CADPS: variants seen among roughly 807,000 people sequenced by gnomAD.
CADPS encodes calcium dependent secretion activator.
In CADPS, 57 loss-of-function variants were observed where a neutral mutation model predicts 167.3. That is an observed-to-expected ratio of 0.34 (90% CI 0.28 to 0.42). CADPS has a LOEUF of 0.42. Among genes scored for constraint, CADPS ranks in the 20% least tolerant of loss-of-function variants. The probability of loss-of-function intolerance (pLI) is 1.00; values close to 1 mark genes in which losing one functional copy is unlikely to be tolerated. For missense variants in CADPS, 1,414 were observed against 1,738.1 expected (o/e 0.81, Z 3.32); for synonymous variants, 676 against 635.3 (o/e 1.06, Z -0.96).
In CADPS at chr3:62,475,593, A is replaced by C. The variant is rs556228082; in HGVS notation, c.3330-1273T>G. ...GGAGCCCAGTTCTTAAGAAAAAAAA[A>C]AAAAAAAAAAAAAAAAAAACACCTA... On this transcript the variant is annotated intron_variant, in intron 23 of 29. Coordinates refer to ENST00000383710, the MANE Select transcript of CADPS (RefSeq NM_003716.4). 1.4e-4 allele frequency among the ~76,000 whole-genome samples: 20 copies of C among 142,724 alleles called. No homozygotes were observed. The East Asian group carries it at 3.9e-3, about 28-fold the overall frequency. 93.6% of individuals were successfully genotyped at this position (142,724 alleles called of 152,430 possible).
chr3:62,471,166 G>A (rs2060557852), intron 24 of CADPS, among the ~76,000 whole-genome samples: 1 of 152,086 alleles, frequency 6.6e-6, no homozygotes, highest in South Asian at 2.1e-4. Context: ...TGGCAGCTAA[G>A]GTATGGAGTC....
chr3:62,524,679 C>T (rs567880813), intron 13 of CADPS, among the ~76,000 whole-genome samples: 4 of 152,114 alleles, frequency 2.6e-5, no homozygotes, highest in African/African-American at 7.2e-5. Flanking sequence ...GGATGAAAGT[C>T]GTGGAGAAGT....
chr3:62,671,281 T>G (rs1419757111), intron 3 of CADPS, among the ~76,000 whole-genome samples: 2 of 150,808 alleles, frequency 1.3e-5, no homozygotes, highest in Non-Finnish European at 3.0e-5. Context: ...ACAGCTGTGT[T>G]TTTTTTTTAA....
chr3:62,482,730 A>C (rs2062189727), intron 21 of CADPS, among the ~76,000 whole-genome samples: 1 of 152,214 alleles, frequency 6.6e-6, no homozygotes, highest in South Asian at 2.1e-4. Context: ...AAAGCATGAA[A>C]GGGACTTCTG....
At chr3:62,667,105 C>T (rs1322454862) in intron 3 of CADPS, among the ~76,000 whole-genome samples, 1 of 147,464 alleles carries the variant, frequency 6.8e-6, no homozygotes, top group Admixed American at 7.0e-5. Flanking sequence ...CTTTCTGAAC[C>T]TCAGTTTCCT....
rs1326939596 is a variant in CADPS, at chr3:62,850,720, T to G, written c.441+23869A>C. On this transcript the variant is annotated intron_variant, in intron 1 of 29. Coordinates refer to ENST00000383710, the MANE Select transcript of CADPS (RefSeq NM_003716.4). ...TATGTGGTCAATTTTGGAATAGGTG[T>G]GGTGTGGTGCTGAAAAAAATGTATA... Among the ~76,000 whole-genome samples, 30 of 151,888 alleles carry G rather than the reference T, an allele frequency of 2.0e-4. No individual in the cohort carries two copies. In the East Asian group the frequency reaches 4.3e-3, roughly 22 times the overall value.
intron 13 of CADPS, among the ~76,000 whole-genome samples, chr3:62,531,594 G>C (rs1289954515): frequency 2.6e-5 from 4 of 152,200 alleles, no homozygotes; most frequent in Non-Finnish European, 5.9e-5. Context: ...ACACAGTTCT[G>C]ATTTAAAATA....
At chr3:62,437,603 C>T (rs2055399099) in intron 28 of CADPS, among the ~76,000 whole-genome samples, 1 of 151,980 alleles carries the variant, frequency 6.6e-6, no homozygotes, top group Admixed American at 6.6e-5. Flanking sequence ...TGCCAAAACC[C>T]AGGGTAAGGA....
At chr3:62,406,079 C>T (rs759808644) in intron 28 of CADPS, among the ~76,000 whole-genome samples, 4 of 152,202 alleles carry the variant, frequency 2.6e-5, no homozygotes, top group African/African-American at 7.2e-5. Flanking sequence ...ATTGAAAGAG[C>T]GGACTGTCTT....
At chr3:62,872,376 G>GA (rs1246654951) in intron 1 of CADPS, among the ~76,000 whole-genome samples, 1 of 152,110 alleles carries the variant, frequency 6.6e-6, no homozygotes, top group Admixed American at 6.5e-5. Flanking sequence ...ATATAGCAGT[G>GA]AAAAAGCTTC....
chr3:62,483,536 C>T (rs1159988837), intron 21 of CADPS, among the ~76,000 whole-genome samples: 2 of 152,154 alleles, frequency 1.3e-5, no homozygotes, highest in African/African-American at 2.4e-5. Context: ...GTCTACCTGG[C>T]ATTCTCTTCT....
At chr3:62,764,567 A>C (rs1260042277) in intron 2 of CADPS, among the ~76,000 whole-genome samples, 1 of 152,242 alleles carries the variant, frequency 6.6e-6, no homozygotes, top group African/African-American at 2.4e-5. Context: ...CAAACCAATC[A>C]ATAATATTTT....
chr3:62,739,870 T>C (rs989483112), intron 3 of CADPS, among the ~76,000 whole-genome samples: 1 of 152,110 alleles, frequency 6.6e-6, no homozygotes, highest in African/African-American at 2.4e-5. Flanking sequence ...TAAAGAGAGG[T>C]TGGTAGTTAA....
intron 3 of CADPS, among the ~76,000 whole-genome samples, chr3:62,689,381 T>G (rs997188915): frequency 6.6e-6 from 1 of 152,050 alleles, no homozygotes; most frequent in Non-Finnish European, 1.5e-5. Flanking sequence ...CAAGAGATAA[T>G]GCCAAGAGAA....
chr3:62,800,208 C>T (rs575552590), intron 1 of CADPS, among the ~76,000 whole-genome samples: 2 of 152,084 alleles, frequency 1.3e-5, no homozygotes, highest in African/African-American at 2.4e-5. Context: ...ACAGGAGTTT[C>T]GTGTCATCTG....
rs1482370857 is a variant in CADPS at position 62,455,185 on chromosome 3, C to A, written c.3637-9388G>T. 7.2e-6 allele frequency among the ~76,000 whole-genome samples: 1 copy of A among 138,688 alleles called. No individual in the cohort carries two copies. The highest frequency in any genetic ancestry group is 2.7e-5 in the African/African-American group (1 of 37,348). The allele number at this position is 138,688 out of a possible 152,430, so 91.0% of individuals were successfully genotyped here. On this transcript the variant is annotated intron_variant, in intron 26 of 29. Coordinates refer to ENST00000383710, the MANE Select transcript of CADPS (RefSeq NM_003716.4). The surrounding 1 kb of genome is among the most constrained non-coding windows in gnomAD (Gnocchi z 4.4). ...GCCTGATTGAAGTAGACCTGTTTTT[C>A]CTTCCAGTTTTCCTTTTCCTCATTT...
intron 6 of CADPS, among the ~76,000 whole-genome samples, chr3:62,614,139 C>A (rs1300352902): frequency 6.6e-6 from 1 of 152,152 alleles, no homozygotes; most frequent in Non-Finnish European, 1.5e-5. Flanking sequence ...TTATTGAGCA[C>A]TTACTATGGG....
At chr3:62,620,930 A>G (rs1423456871) in intron 6 of CADPS, among the ~76,000 whole-genome samples, 1 of 152,142 alleles carries the variant, frequency 6.6e-6, no homozygotes, top group African/African-American at 2.4e-5. Flanking sequence ...GATTAAAAGG[A>G]GCACTGGACT....
chr3:62,777,628 C>G (rs772441962), intron 1 of CADPS, among the ~76,000 whole-genome samples: 204 of 152,226 alleles, frequency 1.3e-3, no homozygotes, highest in Non-Finnish European at 2.2e-3. Flanking sequence ...ATGGGGGAAA[C>G]TGTTGGAGGT....
Sources: allele counts gnomAD v4.1 joint callset (sites outside exome capture counted in the v4.1 genomes callset), GRCh38; gene constraint gnomAD v4.1.1; non-coding constraint Gnocchi (gnomAD v3.1); transcripts MANE v1.5; gene names NCBI Gene and HGNC (gene_info 2026-07-23, HGNC 2026-07-21).